LIMCH1: variants seen among roughly 807,000 people sequenced by gnomAD.
The protein encoded by LIMCH1 is LIM and calponin homology domains 1.
LIMCH1 carries 113 observed loss-of-function variants against 176.5 expected under a neutral mutation model. That is an observed-to-expected ratio of 0.64 (90% CI 0.55 to 0.75). LIMCH1 has a LOEUF of 0.75. Among genes scored for constraint, LIMCH1 ranks in the 30% least tolerant of loss-of-function variants. The pLI, the probability that LIMCH1 is intolerant of heterozygous loss-of-function variation, is 0.00. For synonymous variants in LIMCH1, 619 were observed against 645.9 expected (o/e 0.96, Z 0.63); for missense variants, 1,674 against 1,814.9 (o/e 0.92, Z 1.41).
chr4:41,626,259 A>G (rs1162851867), intron 7 of LIMCH1, among the ~76,000 whole-genome samples: 1 of 152,046 alleles, frequency 6.6e-6, no homozygotes, highest in African/African-American at 2.4e-5. Context: ...GTGGTGTCAC[A>G]CAGCTGCATT....
intron 2 of LIMCH1, among the ~76,000 whole-genome samples, chr4:41,502,935 A>ACACACACACG (rs1202252006): frequency 1.3e-5 from 2 of 151,750 alleles, no homozygotes; most frequent in African/African-American, 4.9e-5. Context: ...ACACACACAC[A>ACACACACACG]CACCCCAGGT....
intron 22 of LIMCH1, among the ~76,000 whole-genome samples, chr4:41,671,884 C>CAAAAAAAAAAA: frequency 1.9e-5 from 1 of 52,378 alleles, no homozygotes; most frequent in Non-Finnish European, 3.6e-5. Flanking sequence ...GACTTCGTCT[C>CAAAAAAAAAAA]AAAAAAAAAA....
intron 1 of LIMCH1, among the ~76,000 whole-genome samples, chr4:41,563,311 T>G (rs960745339): frequency 1.3e-5 from 2 of 152,178 alleles, no homozygotes; most frequent in Non-Finnish European, 2.9e-5. Flanking sequence ...GCACACACAG[T>G]AAATGCTCAG....
intron 1 of LIMCH1, among the ~76,000 whole-genome samples, chr4:41,442,169 A>G (rs2062769909): frequency 6.6e-6 from 1 of 152,070 alleles, no homozygotes; most frequent in Non-Finnish European, 1.5e-5. Flanking sequence ...GTGTGGTGGT[A>G]TGCACCTGTA....
chr4:41,497,329 AAG>A lies in LIMCH1; in HGVS notation c.167+2724_167+2725del, dbSNP rs986703432. The stretch of plus-strand genomic sequence containing the variant: ...TGTAGGAGTCTAAAGAAAAAAAAAA[AAG>A]CTTCATCATTTTCATCAAACAGAAG... On this transcript the variant is annotated intron_variant, in intron 2 of 26. Transcript: ENST00000313860. Among the ~76,000 whole-genome samples, 18 of 152,092 alleles carry A rather than the reference AAG, an allele frequency of 1.2e-4. 1 individual carries two copies. The highest frequency in any genetic ancestry group is 1.0e-3 in the Admixed American group (16 of 15,282).
chr4:41,368,045 A>G (rs2053375602), intron 1 of LIMCH1, among the ~76,000 whole-genome samples: 1 of 152,162 alleles, frequency 6.6e-6, no homozygotes, highest in African/African-American at 2.4e-5. Flanking sequence ...CAATGAGTAC[A>G]TAGCTATCTT....
chr4:41,561,522 G>A (rs897165650), intron 1 of LIMCH1, among the ~76,000 whole-genome samples: 3 of 152,148 alleles, frequency 2.0e-5, no homozygotes, highest in Non-Finnish European at 2.9e-5. Flanking sequence ...GTTTTGAGAA[G>A]GCTGTAAATA....
chr4:41,488,130 C>T (rs2070046610), intron 1 of LIMCH1, among the ~76,000 whole-genome samples: 2 of 152,098 alleles, frequency 1.3e-5, no homozygotes, highest in Non-Finnish European at 2.9e-5. Context: ...ATAAATGTAG[C>T]TAAACTTTGT....
chr4:41,511,461 T>C (rs1010924506), intron 2 of LIMCH1, among the ~76,000 whole-genome samples: 1 of 152,230 alleles, frequency 6.6e-6, no homozygotes, highest in African/African-American at 2.4e-5. Context: ...TCAACTGCTG[T>C]CTCCCTCATT....
chr4:41,438,960 A>T (rs1217623697), intron 1 of LIMCH1, among the ~76,000 whole-genome samples: 1 of 152,224 alleles, frequency 6.6e-6, no homozygotes. Flanking sequence ...TTCACAGATC[A>T]TGCTTGAAAT....
At chr4:41,483,496 A>G (rs571226789) in intron 1 of LIMCH1, among the ~76,000 whole-genome samples, 1 of 152,112 alleles carries the variant, frequency 6.6e-6, no homozygotes, top group Non-Finnish European at 1.5e-5. Flanking sequence ...GAAATTGATT[A>G]CCAAAGAACT....
chr4:41,382,895 A>G (rs1333032089), intron 1 of LIMCH1, among the ~76,000 whole-genome samples: 1 of 152,032 alleles, frequency 6.6e-6, no homozygotes, highest in Non-Finnish European at 1.5e-5. Context: ...GGGCCAAGCA[A>G]TCCTCCCACC....
rs980287597 is a variant in LIMCH1, at chr4:41,599,251, A to G, written c.-134+225A>G. 7.0e-5 allele frequency: 26 copies of G among 371,552 alleles called. No homozygotes were observed. In the East Asian group the frequency reaches 1.1e-3, roughly 16 times the overall value. The allele number at this position is 371,552 out of a possible 1,614,324, so 23.0% of individuals were successfully genotyped here. On this transcript the variant is annotated intron_variant, in intron 2 of 31. Transcript: ENST00000503057. ...TTTTGAATGCAAAATTCTTGCATAT[A>G]GAGTTTGAATTTTGAAGAGGAGAAA...
chr4:41,684,459 A>T lies in LIMCH1; in HGVS notation c.3908A>T (p.His1303Leu). The change falls in exon 27 of 32, where the codon CAT (histidine) becomes CTT (leucine). Residue 1303 changes from histidine to leucine, a missense_variant. Physicochemically the swap from His to Leu is moderately conservative, Grantham distance 99. Coordinates refer to ENST00000503057, the MANE Select transcript of LIMCH1 (RefSeq NM_001330672.2). ...GTATCAAAAGGAGTCCATGAAGACC[A>T]TCAGCTGGATACCGAGGCTGGGGCC... is the stretch of plus-strand genomic sequence containing the variant. ...NPVSKGVHED[H>L]QLDTEAGAPH... 2 of 1,613,826 alleles carry T rather than the reference A, an allele frequency of 1.2e-6. No homozygotes were observed. Among genetic ancestry groups the T allele is most frequent in the Middle Eastern group, 1.7e-4 (1 of 6,054 alleles).
chr4:41,367,845 C>T (rs1281822034), intron 1 of LIMCH1, among the ~76,000 whole-genome samples: 15 of 138,568 alleles, frequency 1.1e-4, no homozygotes, highest in Admixed American at 3.1e-4. Flanking sequence ...CCAGCCTGGG[C>T]GGCAGTGCGA....
chr4:41,436,043 A>C lies in LIMCH1; in HGVS notation c.97-58493A>C, dbSNP rs1203896225. ...ACTTTCAATGATACAGGCACTTTTC[A>C]ATTCATTTATTACTTTTGTAAAGTT... On this transcript the variant is annotated intron_variant, in intron 1 of 26. Transcript: ENST00000313860. Among the ~76,000 whole-genome samples, 4 of 152,210 alleles carry C rather than the reference A, an allele frequency of 2.6e-5. No homozygotes were observed. In the East Asian group the frequency reaches 7.7e-4, roughly 29 times the overall value.
chr4:41,562,181 A>C (rs2082153242), intron 1 of LIMCH1, among the ~76,000 whole-genome samples: 1 of 152,148 alleles, frequency 6.6e-6, no homozygotes, highest in African/African-American at 2.4e-5. Context: ...GAGGCCCATC[A>C]ACCTCTCTCC....
chr4:41,674,946 T>A (rs1476180333), intron 22 of LIMCH1, among the ~76,000 whole-genome samples: 1 of 152,142 alleles, frequency 6.6e-6, no homozygotes, highest in African/African-American at 2.4e-5. Context: ...ATTTTCCCCC[T>A]GCATAACTTC....
At chr4:41,637,481 C>T (rs548182082) in intron 13 of LIMCH1, among the ~76,000 whole-genome samples, 39 of 152,300 alleles carry the variant, frequency 2.6e-4, no homozygotes, top group African/African-American at 7.9e-4. Flanking sequence ...TGAGCCACCA[C>T]GCCCAGCCCA....
Sources: allele counts gnomAD v4.1 joint callset (sites outside exome capture counted in the v4.1 genomes callset), GRCh38; gene constraint gnomAD v4.1.1; transcripts MANE v1.5; gene names NCBI Gene and HGNC (gene_info 2026-07-23, HGNC 2026-07-21).